CNTNAP2: variants seen among roughly 807,000 people sequenced by gnomAD.
CNTNAP2 encodes contactin-associated protein-like 2.
CNTNAP2 carries 98 observed loss-of-function variants against 155.2 expected under a neutral mutation model. That is an observed-to-expected ratio of 0.63 (90% CI 0.54 to 0.75). The LOEUF (loss-of-function observed/expected upper bound fraction) is 0.75. Among genes scored for constraint, CNTNAP2 ranks in the 30% least tolerant of loss-of-function variants. The probability of loss-of-function intolerance (pLI) is 0.00; values close to 1 mark genes in which losing one functional copy is unlikely to be tolerated. For synonymous variants in CNTNAP2, 651 were observed against 631.2 expected, an observed-to-expected ratio of 1.03 and a Z score of -0.47; for missense variants, 1,727 against 1,688.1, an observed-to-expected ratio of 1.02 and a Z score of -0.40.
intron 21 of CNTNAP2, among the ~76,000 whole-genome samples, chr7:148,289,534 T>C (rs958399803): frequency 6.6e-6 from 1 of 151,648 alleles, no homozygotes; most frequent in Admixed American, 6.6e-5. Context: ...TTTCCCTGTG[T>C]CCAAGAAGCA....
At chr7:147,898,532 CT>C (rs34610190) in intron 13 of CNTNAP2, among the ~76,000 whole-genome samples, 4 of 150,378 alleles carry the variant, frequency 2.7e-5, no homozygotes, top group African/African-American at 7.3e-5. Flanking sequence ...ATTTTTTTTT[CT>C]TTTTTTTTGA....
At chr7:148,364,291 G>A (rs556785478) in intron 21 of CNTNAP2, among the ~76,000 whole-genome samples, 2 of 152,256 alleles carry the variant, frequency 1.3e-5, no homozygotes, top group Non-Finnish European at 2.9e-5. Flanking sequence ...GTGGGGACAT[G>A]GAGAGTCTTT....
intron 16 of CNTNAP2, among the ~76,000 whole-genome samples, chr7:148,126,775 C>T (rs1804725348): frequency 6.6e-6 from 1 of 151,918 alleles, no homozygotes. Context: ...CAGGTGGACG[C>T]GAAGCCGTTT....
At chr7:147,050,817 G>T (rs1004367710) in intron 4 of CNTNAP2, among the ~76,000 whole-genome samples, 22 of 152,148 alleles carry the variant, frequency 1.4e-4, no homozygotes, top group Admixed American at 3.9e-4. Context: ...AAGTCAAGGT[G>T]TTAGCAAGGG....
At chr7:147,825,271 T>C (rs756085467) in intron 13 of CNTNAP2, among the ~76,000 whole-genome samples, 1 of 152,214 alleles carries the variant, frequency 6.6e-6, no homozygotes, top group Non-Finnish European at 1.5e-5. Flanking sequence ...TCCTGAGCAG[T>C]GCTTCTAGTG....
intron 12 of CNTNAP2, among the ~76,000 whole-genome samples, chr7:147,637,743 A>G (rs1027504925): frequency 1.3e-5 from 2 of 152,160 alleles, no homozygotes; most frequent in Non-Finnish European, 2.9e-5. Flanking sequence ...CTTGATTTTT[A>G]TCAATAGTAC....
chr7:148,087,896 T>C (rs1397210492), intron 15 of CNTNAP2, among the ~76,000 whole-genome samples: 1 of 152,156 alleles, frequency 6.6e-6, no homozygotes, highest in Non-Finnish European at 1.5e-5. Flanking sequence ...TCACAGTAAT[T>C]TTTTCCAAAT....
intron 14 of CNTNAP2, among the ~76,000 whole-genome samples, chr7:147,958,794 T>C (rs1801067692): frequency 6.6e-6 from 1 of 152,196 alleles, no homozygotes; most frequent in African/African-American, 2.4e-5. Context: ...GCTATTTTTG[T>C]CTGCTGGCCA....
rs537353514 is a variant in CNTNAP2 at position 147,513,276 on chromosome 7, A to C, written c.1777+27235A>C. On this transcript the variant is annotated intron_variant, in intron 11 of 23. Transcript: ENST00000361727. ...ATCTGTACTCATATTTGAAATACCT[A>C]TTTGTTTGTCTAAATGCCCGAATGG... 3.3e-5 allele frequency among the ~76,000 whole-genome samples: 5 copies of C among 152,176 alleles called. No individual in the cohort carries two copies. The South Asian group carries it at 1.0e-3, about 32-fold the overall frequency.
intron 3 of CNTNAP2, among the ~76,000 whole-genome samples, chr7:146,970,878 G>C (rs1797777088): frequency 6.6e-6 from 1 of 152,024 alleles, no homozygotes; most frequent in Non-Finnish European, 1.5e-5. Context: ...ATACTATGCA[G>C]CCATAAAAAA....
chr7:146,248,699 C>T (rs1799706013), intron 1 of CNTNAP2, among the ~76,000 whole-genome samples: 2 of 152,188 alleles, frequency 1.3e-5, no homozygotes, highest in South Asian at 4.1e-4. Flanking sequence ...GTTTACTGGG[C>T]TGGTCGGTCT....
intron 1 of CNTNAP2, among the ~76,000 whole-genome samples, chr7:146,262,167 T>C (rs1799928421): frequency 6.6e-6 from 1 of 152,188 alleles, no homozygotes; most frequent in Non-Finnish European, 1.5e-5. Context: ...TCACCAGTCA[T>C]GATAAACTCA....
intron 1 of CNTNAP2, among the ~76,000 whole-genome samples, chr7:146,398,550 AT>A (rs1359669297): frequency 6.6e-6 from 1 of 152,142 alleles, no homozygotes; most frequent in Non-Finnish European, 1.5e-5. Context: ...GCCAAACAAC[AT>A]CAACCGGAAT....
At position 148,106,493 on chromosome 7, in the gene CNTNAP2, G is replaced by GATAGATAGATAGATATATATATAT. The variant is rs1490418389; in HGVS notation, c.2384-11622_2384-11621insGATAGATAGATATATATATATATA. ...CACTTCAGTGTACTGCACACTTTGA[G>GATAGATAGATAGATATATATATAT]ATATATATATATATATATATATATA... On this transcript the variant is annotated intron_variant, in intron 15 of 23. Transcript: ENST00000361727. Among the ~76,000 whole-genome samples the GATAGATAGATAGATATATATATAT allele has an allele frequency of 1.9e-3, 238 of 124,886 alleles. 5 individuals are homozygous for GATAGATAGATAGATATATATATAT. Among genetic ancestry groups the GATAGATAGATAGATATATATATAT allele is most frequent in the African/African-American group, 7.6e-3 (220 of 28,974 alleles). The allele number at this position is 124,886 out of a possible 152,430, so 81.9% of individuals were successfully genotyped here. A position where few individuals can be genotyped will look rare whatever the true frequency, so the allele number is the denominator to read the frequency against.
intron 3 of CNTNAP2, among the ~76,000 whole-genome samples, chr7:146,985,171 T>C (rs1171220127): frequency 6.6e-6 from 1 of 152,082 alleles, no homozygotes; most frequent in Non-Finnish European, 1.5e-5. Context: ...CCTTAATTAC[T>C]CTGTGAAGTG....
At chr7:148,299,692 G>C (rs1379755401) in intron 21 of CNTNAP2, among the ~76,000 whole-genome samples, 1 of 152,166 alleles carries the variant, frequency 6.6e-6, no homozygotes, top group Non-Finnish European at 1.5e-5. Flanking sequence ...TTGTTTCACA[G>C]ACCAAAAGAA....
intron 11 of CNTNAP2, among the ~76,000 whole-genome samples, chr7:147,500,597 A>AACTGT (rs2116667119): frequency 6.6e-6 from 1 of 152,136 alleles, no homozygotes; most frequent in East Asian, 1.9e-4. Flanking sequence ...GGGGCAACTA[A>AACTGT]ACTGTAACTG....
rs58328058 is a variant in CNTNAP2 at position 146,155,685 on chromosome 7, C to CATTATT, written c.97+38737_97+38742dup. 6.0e-3 allele frequency among the ~76,000 whole-genome samples: 884 copies of CATTATT among 146,758 alleles called. 10 individuals carry two copies. The highest frequency in any genetic ancestry group is 0.014 in the Middle Eastern group (4 of 280). On this transcript the variant is annotated intron_variant, in intron 1 of 23. Transcript: ENST00000361727. Reference sequence around the variant, plus strand: ...TATAAATAATTGCATAAAACAATATCATTATTATTATTATTATTATTATTA... The same window carrying CATTATT: ...TATAAATAATTGCATAAAACAATATCATTATTATTATTATTATTATTATTATTATTA...
intron 1 of CNTNAP2, among the ~76,000 whole-genome samples, chr7:146,264,614 A>G (rs1246841389): frequency 6.6e-6 from 1 of 152,224 alleles, no homozygotes; most frequent in Non-Finnish European, 1.5e-5. Flanking sequence ...AAACAGAGAC[A>G]TGAGGAAACA....
Sources: gnomAD v4.1 joint callset for allele counts (sites outside exome capture counted in the v4.1 genomes callset) on GRCh38, gnomAD v4.1.1 for gene constraint, MANE v1.5 for transcripts, NCBI Gene and HGNC (gene_info 2026-07-23, HGNC 2026-07-21) for gene names.